The following ZMYND8 variants were observed in gnomAD, a reference collection of about 807,000 sequenced individuals.
ZMYND8 encodes MYND-type zinc finger-containing chromatin reader ZMYND8.
ZMYND8 carries 37 observed loss-of-function variants against 140.8 expected under a neutral mutation model. That is an observed-to-expected ratio of 0.26 (90% CI 0.20 to 0.35). ZMYND8 has a LOEUF of 0.35. ZMYND8 is among the 10% of genes least tolerant of loss of function. The pLI, the probability that ZMYND8 is intolerant of heterozygous loss-of-function variation, is 1.00. For synonymous variants in ZMYND8, 592 were observed against 597.1 expected (o/e 0.99, Z 0.12); for missense variants, 1,068 against 1,570.0 (o/e 0.68, Z 5.40).
chr20:47,220,162 T>C (rs545820554), intron 21 of ZMYND8, 96 bp downstream of exon 21: 3 of 940,692 alleles, frequency 3.2e-6, no homozygotes, highest in African/African-American at 1.8e-5. Flanking sequence ...TTGGAAACCA[T>C]TGGAATAAAC....
chr20:47,299,830 C>T (rs1331203771), intron 3 of ZMYND8, among the ~76,000 whole-genome samples: 1 of 152,188 alleles, frequency 6.6e-6, no homozygotes, highest in Non-Finnish European at 1.5e-5. Flanking sequence ...GATCTGCCCA[C>T]CTCGGCCTCC....
At chr20:47,303,210 G>C (rs186096472) in intron 3 of ZMYND8, among the ~76,000 whole-genome samples, 20 of 152,274 alleles carry the variant, frequency 1.3e-4, no homozygotes, top group Admixed American at 8.5e-4. Context: ...GGAAGGGGAA[G>C]AGAGGGCGGG....
chr20:47,235,734 T>G (rs1185036537), intron 16 of ZMYND8, among the ~76,000 whole-genome samples: 1 of 149,658 alleles, frequency 6.7e-6, no homozygotes, highest in Non-Finnish European at 1.5e-5. Context: ...CTTGGCAACT[T>G]AAGAGAAAAA....
intron 15 of ZMYND8, chr20:47,237,359 T>A (rs1172832845): frequency 6.6e-6 from 1 of 151,580 alleles, no homozygotes; most frequent in African/African-American, 2.4e-5. Context: ...GGTTTCACCA[T>A]GTTGACTGGG....
chr20:47,322,507 C>G (rs2080049911), intron 2 of ZMYND8, among the ~76,000 whole-genome samples: 1 of 144,586 alleles, frequency 6.9e-6, no homozygotes, highest in Admixed American at 7.1e-5. Context: ...GTGGCGCGAT[C>G]TTGGCTCACT....
At chr20:47,215,270 G>T (rs762337823) in intron 21 of ZMYND8, among the ~76,000 whole-genome samples, 84 of 152,146 alleles carry the variant, frequency 5.5e-4, no homozygotes, top group Non-Finnish European at 9.0e-4. Flanking sequence ...CTGCTCAGGA[G>T]GCTGAGGCAG....
chr20:47,214,367 T>A (rs2146798634), intron 21 of ZMYND8, among the ~76,000 whole-genome samples: 1 of 152,320 alleles, frequency 6.6e-6, no homozygotes, highest in East Asian at 1.9e-4. Flanking sequence ...TCACTCACAC[T>A]CTCAGAATCA....
intron 21 of ZMYND8, among the ~76,000 whole-genome samples, chr20:47,219,886 A>C (rs2036685187): frequency 6.6e-6 from 1 of 152,186 alleles, no homozygotes; most frequent in Non-Finnish European, 1.5e-5. Context: ...TCAGAACCTC[A>C]GAATAAAATC....
chr20:47,239,111 G>A lies in ZMYND8; in HGVS notation c.2312C>T (p.Thr771Met), dbSNP rs767148826. 5 of 1,506,476 alleles carry A rather than the reference G, an allele frequency of 3.3e-6. No individual in the cohort carries two copies. In the East Asian group the frequency reaches 9.1e-5, roughly 27 times the overall value. 93.3% of individuals were successfully genotyped at this position (1,506,476 alleles called of 1,614,324 possible). The stretch of plus-strand genomic sequence containing the variant: ...TTCCGGGGGAGAATGGCTGCCCACC[G>A]TCGTGGATGGTGGAGTTTTACCTAC... ...DVVGKTPPSTTVGSHSPPETP... is the reference protein window; with the variant it reads ...DVVGKTPPSTMVGSHSPPETP... The change falls in exon 15 of 23, where the codon ACG becomes ATG. Residue 771 changes from threonine to methionine, a missense_variant. Transcript: ENST00000471951.
intron 3 of ZMYND8, among the ~76,000 whole-genome samples, chr20:47,304,504 T>C (rs559430476): frequency 1.3e-5 from 2 of 152,220 alleles, no homozygotes; most frequent in Non-Finnish European, 2.9e-5. Context: ...CCACAGGCTG[T>C]AGTTGCAGAC....
intron 14 of ZMYND8, among the ~76,000 whole-genome samples, chr20:47,243,525 T>C (rs2040210026): frequency 6.6e-6 from 1 of 152,188 alleles, no homozygotes. Flanking sequence ...AAGTATGAGA[T>C]CTTCTAAGGT....
chr20:47,258,172 A>C (rs1408477351), intron 12 of ZMYND8, among the ~76,000 whole-genome samples: 2 of 152,158 alleles, frequency 1.3e-5, no homozygotes, highest in Admixed American at 6.5e-5. Context: ...TCAAAACTTC[A>C]CCTTACCCCC....
intron 2 of ZMYND8, among the ~76,000 whole-genome samples, chr20:47,339,465 G>C (rs375621896): frequency 1.5e-4 from 23 of 152,160 alleles, no homozygotes; most frequent in African/African-American, 4.8e-4. Context: ...TTTTTGAGCA[G>C]CCACCCTGTC....
intron 2 of ZMYND8, chr20:47,318,946 CTTACCTGCCA>C (rs760371062): frequency 5.2e-6 from 7 of 1,350,870 alleles, no homozygotes; most frequent in Non-Finnish European, 6.9e-6. Flanking sequence ...AGAGGAGGCA[CTTACCTGCCA>C]TTGAGAAAGT....
At chr20:47,272,650 G>A (rs1382270829) in intron 11 of ZMYND8, among the ~76,000 whole-genome samples, 1 of 152,210 alleles carries the variant, frequency 6.6e-6, no homozygotes, top group Non-Finnish European at 1.5e-5. Context: ...ACTTCTGGCT[G>A]AGCAAAGTGC....
At chr20:47,221,696 T>C (rs888900969) in intron 19 of ZMYND8, among the ~76,000 whole-genome samples, 3 of 152,214 alleles carry the variant, frequency 2.0e-5, no homozygotes, top group African/African-American at 7.2e-5. Context: ...AGATGGAGTC[T>C]CGCTCTGTCA....
chr20:47,231,660 C>T (rs538095643), intron 16 of ZMYND8, among the ~76,000 whole-genome samples: 2 of 152,340 alleles, frequency 1.3e-5, no homozygotes, highest in Admixed American at 6.5e-5. Context: ...GATTTCCGCT[C>T]CCGGCTTGCT....
intron 17 of ZMYND8, among the ~76,000 whole-genome samples, chr20:47,227,578 T>A (rs1187403357): frequency 6.6e-6 from 1 of 152,232 alleles, no homozygotes; most frequent in East Asian, 1.9e-4. Flanking sequence ...ATTTAGGATT[T>A]TGGTCTATAA....
At chr20:47,252,757 A>G (rs2074291309) in intron 12 of ZMYND8, among the ~76,000 whole-genome samples, 1 of 152,056 alleles carries the variant, frequency 6.6e-6, no homozygotes, top group African/African-American at 2.4e-5. Flanking sequence ...TGTCTCTACT[A>G]AAAATATGAA....
Sources: allele counts gnomAD v4.1 joint callset (sites outside exome capture counted in the v4.1 genomes callset), GRCh38; gene constraint gnomAD v4.1.1; transcripts MANE v1.5; gene names NCBI Gene and HGNC (gene_info 2026-07-23, HGNC 2026-07-21).